The following POU1F1 variants were observed in gnomAD, a reference collection of about 807,000 sequenced individuals.
POU1F1 encodes POU class 1 homeobox 1.
In POU1F1, 23 loss-of-function variants were observed where a neutral mutation model predicts 32.3. The observed-to-expected ratio is 0.71, with a 90% CI of 0.51 to 1.01. The LOEUF (loss-of-function observed/expected upper bound fraction) is 1.01, where lower values mean the gene tolerates loss of function less well. POU1F1 is among the 50% of genes least tolerant of loss of function. The probability of loss-of-function intolerance (pLI) is 0.00; values close to 1 mark genes in which losing one functional copy is unlikely to be tolerated. For synonymous variants in POU1F1, 120 were observed against 115.6 expected, an observed-to-expected ratio of 1.04 and a Z score of -0.25; for missense variants, 323 against 341.6, an observed-to-expected ratio of 0.95 and a Z score of 0.43.
intron 2 of POU1F1, among the ~76,000 whole-genome samples, chr3:87,268,617 C>A (rs971785320): frequency 6.6e-6 from 1 of 151,978 alleles, no homozygotes; most frequent in African/African-American, 2.4e-5. Flanking sequence ...CTTTTTAAAA[C>A]CCAGATTACT....
chr3:87,270,881 A>G (rs1332411683), intron 2 of POU1F1, among the ~76,000 whole-genome samples: 1 of 152,164 alleles, frequency 6.6e-6, no homozygotes. Flanking sequence ...CTAATCTCTC[A>G]TGAAGCAAAT....
chr3:87,273,086 G>A (rs886937996), intron 2 of POU1F1, among the ~76,000 whole-genome samples: 1 of 152,092 alleles, frequency 6.6e-6, no homozygotes, highest in African/African-American at 2.4e-5. Context: ...TTTGACGATA[G>A]TGAATTTCAA....
chr3:87,262,020 A>G, intron 4 of POU1F1, 51 bp downstream of exon 4: 2 of 1,605,782 alleles, frequency 1.2e-6, no homozygotes, highest in South Asian at 2.2e-5. Flanking sequence ...TATTGAAGCC[A>G]TTATTTTTAG....
intron 2 of POU1F1, among the ~76,000 whole-genome samples, chr3:87,271,710 G>T (rs1193771562): frequency 2.0e-5 from 3 of 152,046 alleles, no homozygotes; most frequent in African/African-American, 7.2e-5. Context: ...ATTGAGGAGG[G>T]CTATTCTCAT....
rs2106927025 is a variant in POU1F1, at chr3:87,261,276, A to G, written c.662T>C (p.Ile221Thr). 1.3e-6 allele frequency: 2 copies of G among 1,571,962 alleles called. No homozygotes were observed. The highest frequency in any genetic ancestry group is 1.7e-6 in the Non-Finnish European group (2 of 1,149,192). The change falls in exon 5 of 6, where the codon ATA becomes ACA. Residue 221 changes from isoleucine (I) to threonine (T), a missense_variant. Coordinates refer to ENST00000350375, the MANE Select transcript of POU1F1 (RefSeq NM_000306.4). ...TAACTTTTAATATAAAGAATACCTTATAGTTGTTCTTCGTTTTCTTTTCCT... is the reference window on the plus strand; with the variant it reads ...TAACTTTTAATATAAAGAATACCTTGTAGTTGTTCTTCGTTTTCTTTTCCT... ...NERKRKRRTT[I>T]SIAAKDALER...
chr3:87,270,505 A>C (rs1706703839), intron 2 of POU1F1, among the ~76,000 whole-genome samples: 1 of 152,204 alleles, frequency 6.6e-6, no homozygotes, highest in Admixed American at 6.5e-5. Context: ...TATTAATTTA[A>C]TGAAATGCTC....
intron 2 of POU1F1, among the ~76,000 whole-genome samples, chr3:87,270,012 C>G (rs932892161): frequency 6.6e-6 from 1 of 151,856 alleles, no homozygotes; most frequent in African/African-American, 2.4e-5. Context: ...CTCAGAAACC[C>G]AAGAGTCAGA....
chr3:87,270,561 G>A (rs894113266), intron 2 of POU1F1, among the ~76,000 whole-genome samples: 2 of 152,094 alleles, frequency 1.3e-5, no homozygotes, highest in Admixed American at 1.3e-4. Context: ...ATAACCATAT[G>A]AAAATAAAGT....
intron 3 of POU1F1, among the ~76,000 whole-genome samples, chr3:87,263,148 ATTGTTATAG>A (rs144072414): frequency 0.027 from 4,102 of 152,264 alleles, 77 homozygotes; most frequent in African/African-American, 0.042. Flanking sequence ...ACCAAAGTCA[ATTGTTATAG>A]TTGTTTTATT....
Position 87,259,662 on chromosome 3 carries a change from A to G in POU1F1, c.*232T>C, listed in dbSNP as rs1706467371. On this transcript the variant is annotated 3_prime_UTR_variant, in exon 6 of 6. Coordinates refer to ENST00000350375, the MANE Select transcript of POU1F1 (RefSeq NM_000306.4). ...GAGAGATCATTTTATTACTGTTAAT[A>G]TATTTGGCTTAAAATAGATAATGTG... 2.0e-6 allele frequency: 1 copy of G among 509,548 alleles called. No homozygotes were observed. Among genetic ancestry groups the G allele is most frequent in the Admixed American group, 3.4e-5 (1 of 29,584 alleles). The allele number at this position is 509,548 out of a possible 1,614,324, so 31.6% of individuals were successfully genotyped here. A position where few individuals can be genotyped will look rare whatever the true frequency, so the allele number is the denominator to read the frequency against.
chr3:87,268,025 C>T (rs1352365006), intron 2 of POU1F1, among the ~76,000 whole-genome samples: 3 of 150,964 alleles, frequency 2.0e-5, no homozygotes, highest in Non-Finnish European at 1.5e-5. Flanking sequence ...CAAGGTTTGG[C>T]ATCCAGAACA....
chr3:87,276,172 G>T, intron 1 of POU1F1, 149 bp downstream of exon 1: 1 of 965,020 alleles, frequency 1.0e-6, no homozygotes, highest in Non-Finnish European at 1.6e-6. Flanking sequence ...TGGCTTTTTA[G>T]ATATGCTTAA....
intron 5 of POU1F1, among the ~76,000 whole-genome samples, chr3:87,260,872 TTTTATTTATTTATTTA>T (rs1017839437): frequency 1.2e-3 from 11 of 9,512 alleles, no homozygotes; most frequent in Admixed American, 7.1e-3. Context: ...ATTATTTTTT[TTTTATTTATTTATTTA>T]TTTATTTATT....
intron 5 of POU1F1, among the ~76,000 whole-genome samples, chr3:87,261,023 G>C (rs1323436584): frequency 6.6e-6 from 1 of 151,862 alleles, no homozygotes; most frequent in Non-Finnish European, 1.5e-5. Flanking sequence ...CCATTCTCCT[G>C]CCTCAGTCTC....
At chr3:87,275,128 T>C (rs1706801564) in intron 1 of POU1F1, among the ~76,000 whole-genome samples, 2 of 152,054 alleles carry the variant, frequency 1.3e-5, no homozygotes, top group African/African-American at 4.8e-5. Context: ...TTATAGCATA[T>C]ATTTTTGATA....
At chr3:87,263,749 G>T (rs545328207) in intron 3 of POU1F1, among the ~76,000 whole-genome samples, 6 of 151,910 alleles carry the variant, frequency 3.9e-5, no homozygotes, top group Non-Finnish European at 8.8e-5. Context: ...CAAATAAATT[G>T]CAGTATATTC....
rs137936423 is a variant in POU1F1, at chr3:87,265,703, G to A, written c.215-1191C>T. Among the ~76,000 whole-genome samples, 1,012 of 151,926 alleles carry A rather than the reference G, an allele frequency of 6.7e-3. 9 individuals carry two copies. The highest frequency in any genetic ancestry group is 0.023 in the African/African-American group (957 of 41,480). On this transcript the variant is annotated intron_variant, in intron 2 of 5. Coordinates refer to ENST00000350375, the MANE Select transcript of POU1F1 (RefSeq NM_000306.4). ...TGATACAAATAAAAAACCCAATACA[G>A]TATAACAATTATTTACATAGCATTT...
chr3:87,268,214 G>A (rs1706661192), intron 2 of POU1F1, among the ~76,000 whole-genome samples: 1 of 150,558 alleles, frequency 6.6e-6, no homozygotes, highest in Non-Finnish European at 1.5e-5. Context: ...TAGTAGCTGG[G>A]ACTACAGGTG....
chr3:87,263,683 C>T (rs1235343548), intron 3 of POU1F1, among the ~76,000 whole-genome samples: 1 of 151,896 alleles, frequency 6.6e-6, no homozygotes, highest in Non-Finnish European at 1.5e-5. Flanking sequence ...ATCGTGGTAT[C>T]GTTTTTATCA....
Sources: allele counts gnomAD v4.1 joint callset (sites outside exome capture counted in the v4.1 genomes callset), GRCh38; gene constraint gnomAD v4.1.1; transcripts MANE v1.5; gene names NCBI Gene and HGNC (gene_info 2026-07-23, HGNC 2026-07-21).